The following SCN10A variants were observed in gnomAD, a reference collection of about 807,000 sequenced individuals.
The protein encoded by SCN10A is sodium voltage-gated channel alpha subunit 10.
In SCN10A, 162 loss-of-function variants were observed where a neutral mutation model predicts 170.7. The ratio of observed to expected loss-of-function variants is 0.95; its 90% CI spans 0.84 to 1.08. The LOEUF (loss-of-function observed/expected upper bound fraction) is 1.08, where lower values mean the gene tolerates loss of function less well. SCN10A is among the 50% of genes least tolerant of loss of function. SCN10A has a pLI of 0.00. For synonymous variants in SCN10A, 985 were observed against 904.6 expected (o/e 1.09, Z -1.59); for missense variants, 2,527 against 2,436.9 (o/e 1.04, Z -0.78).
chr3:38,758,372 A>G (rs2063832682), intron 8 of SCN10A, among the ~76,000 whole-genome samples: 1 of 152,206 alleles, frequency 6.6e-6, no homozygotes, highest in African/African-American at 2.4e-5. Flanking sequence ...GAAATCCACC[A>G]TAGCCACTGC....
At chr3:38,713,936 G>A in intron 22 of SCN10A, 22 bp downstream of exon 22, 5 of 1,612,198 alleles carry the variant, frequency 3.1e-6, no homozygotes, top group Non-Finnish European at 3.4e-6. Flanking sequence ...CCAGATGAGA[G>A]AAGTTTTGAG....
At chr3:38,769,915 T>C (rs1185208362) in intron 5 of SCN10A, among the ~76,000 whole-genome samples, 3 of 152,192 alleles carry the variant, frequency 2.0e-5, no homozygotes, top group African/African-American at 7.2e-5. Context: ...GTGATTGATC[T>C]TGAAGTCTCC....
At chr3:38,732,938 G>A (rs1341641185) in intron 15 of SCN10A, among the ~76,000 whole-genome samples, 1 of 152,172 alleles carries the variant, frequency 6.6e-6, no homozygotes, top group Non-Finnish European at 1.5e-5. Context: ...ATGGGATTAA[G>A]TCTTCAAATG....
At position 38,718,676 on chromosome 3, in the gene SCN10A, A is replaced by G; in HGVS notation, c.3658T>C (p.Trp1220Arg). The G allele has an allele frequency of 1.2e-6, 2 of 1,614,272 alleles. No individual in the cohort carries two copies. Among genetic ancestry groups the G allele is most frequent in the Non-Finnish European group, 1.7e-6 (2 of 1,180,042 alleles). ...ACATTCACAATGAGGAAGTCCAGCCAGCACCAGGCATTGGTGAAGTACTTT... is the reference window on the plus strand; with the variant it reads ...ACATTCACAATGAGGAAGTCCAGCCGGCACCAGGCATTGGTGAAGTACTTT... ...FKKYFTNAWC[W>R]LDFLIVNISL... Residue 1220 changes from tryptophan to arginine, a missense_variant, in exon 21 of 28, where the codon TGG becomes CGG. Transcript: ENST00000449082.
intron 4 of SCN10A, among the ~76,000 whole-genome samples, chr3:38,777,467 T>A (rs1451155743): frequency 6.6e-6 from 1 of 152,068 alleles, no homozygotes; most frequent in East Asian, 1.9e-4. Flanking sequence ...AATTAAGAGA[T>A]CTGCCATACT....
chr3:38,716,121 G>T (rs1014719692), intron 21 of SCN10A, among the ~76,000 whole-genome samples: 2 of 152,086 alleles, frequency 1.3e-5, no homozygotes, highest in African/African-American at 4.8e-5. Flanking sequence ...AGTAATTATA[G>T]CTGCTCTTGC....
chr3:38,721,489 G>T (rs1327773674), intron 20 of SCN10A, among the ~76,000 whole-genome samples: 1 of 152,198 alleles, frequency 6.6e-6, no homozygotes, highest in Non-Finnish European at 1.5e-5. Flanking sequence ...AGTTGAGATT[G>T]TGTAAGGAGC....
chr3:38,734,599 A>G (rs2063541484), intron 15 of SCN10A, among the ~76,000 whole-genome samples: 1 of 152,240 alleles, frequency 6.6e-6, no homozygotes, highest in Admixed American at 6.5e-5. Context: ...ATACATGATT[A>G]TCTCAATACA....
chr3:38,808,288 TG>T (rs1244024464), intron 1 of SCN10A, among the ~76,000 whole-genome samples: 3 of 152,172 alleles, frequency 2.0e-5, no homozygotes, highest in Non-Finnish European at 4.4e-5. Context: ...TTCTTTCCCC[TG>T]GGTGACTTCT....
chr3:38,803,068 A>G (rs1290953879), intron 1 of SCN10A, among the ~76,000 whole-genome samples: 1 of 152,250 alleles, frequency 6.6e-6, no homozygotes, highest in Non-Finnish European at 1.5e-5. Context: ...ATCACTGGCC[A>G]TCAGAGAAAT....
intron 26 of SCN10A, among the ~76,000 whole-genome samples, chr3:38,704,769 G>T (rs1034534755): frequency 2.6e-5 from 4 of 152,208 alleles, no homozygotes; most frequent in African/African-American, 9.6e-5. Flanking sequence ...GTGGTCCCAG[G>T]TAAGCTCTGT....
chr3:38,812,216 G>T (rs938943769), intron 1 of SCN10A, among the ~76,000 whole-genome samples: 1 of 152,170 alleles, frequency 6.6e-6, no homozygotes, highest in Non-Finnish European at 1.5e-5. Flanking sequence ...TATATTTTGG[G>T]CATAGTGCTA....
chr3:38,736,972 T>TTTTTTTTTTTTTTG lies in SCN10A; in HGVS notation c.2280+2542_2280+2543insCAAAAAAAAAAAAA, dbSNP rs2063569927. Reference sequence around the variant, plus strand: ...TGTAGCAGAAATGTTCGTTTTTTTTTTTTTTTTTTTTTTTTTGAGACGGAG... The same window carrying TTTTTTTTTTTTTTG: ...TGTAGCAGAAATGTTCGTTTTTTTTTTTTTTTTTTTTTTGTTTTTTTTTTTTTTTTGAGACGGAG... On this transcript the variant is annotated intron_variant, in intron 15 of 27. Transcript: ENST00000449082. Among the ~76,000 whole-genome samples, 2 of 96,134 alleles carry TTTTTTTTTTTTTTG rather than the reference T, an allele frequency of 2.1e-5. 1 individual carries two copies. The highest frequency in any genetic ancestry group is 4.3e-5 in the Non-Finnish European group (2 of 46,222). The allele number at this position is 96,134 out of a possible 152,430, so 63.1% of individuals were successfully genotyped here.
At chr3:38,700,896 T>C (rs754016875) in intron 27 of SCN10A, among the ~76,000 whole-genome samples, 6 of 152,208 alleles carry the variant, frequency 3.9e-5, no homozygotes, top group Admixed American at 6.5e-5. Context: ...TTGGCCTTTA[T>C]AGGGTCAAAC....
intron 4 of SCN10A, among the ~76,000 whole-genome samples, chr3:38,772,385 A>G (rs2064013325): frequency 6.6e-6 from 1 of 151,800 alleles, no homozygotes; most frequent in Admixed American, 6.6e-5. Flanking sequence ...GCAGAAGAAG[A>G]GTTAGAGAAA....
intron 1 of SCN10A, among the ~76,000 whole-genome samples, chr3:38,806,158 A>G (rs1445369170): frequency 6.6e-6 from 1 of 152,100 alleles, no homozygotes; most frequent in African/African-American, 2.4e-5. Flanking sequence ...GCTAAAAGGG[A>G]AGAAGAGCGT....
Position 38,771,365 on chromosome 3 carries a change from C to T in SCN10A, c.513G>A (p.Lys171=). 6.2e-7 allele frequency: 1 copy of T among 1,614,068 alleles called. No homozygotes were observed. The highest frequency in any genetic ancestry group is 8.5e-7 in the Non-Finnish European group (1 of 1,179,968). ...TVIYTFEALI[K]ILARGFCLNE... is the part of the protein sequence containing the mutation. ...TTAGACAAAATCCTCTTGCCAGTAT[C>T]TTTATCAAGGCTTCAAAGGTGTAAA... is the stretch of plus-strand genomic sequence containing the variant. The change falls in exon 5 of 28, where the codon AAG becomes AAA. Residue 171 remains lysine, a synonymous_variant. Transcript: ENST00000449082.
intron 4 of SCN10A, among the ~76,000 whole-genome samples, chr3:38,774,825 C>A (rs2126044503): frequency 6.6e-6 from 1 of 152,288 alleles, no homozygotes; most frequent in East Asian, 1.9e-4. Flanking sequence ...GCCCAGTAGG[C>A]CAAAGAGATG....
At position 38,698,067 on chromosome 3, in the gene SCN10A, A is replaced by G. The variant is rs768502292; in HGVS notation, c.5153T>C (p.Ile1718Thr). The change falls in exon 28 of 28, where the codon ATT becomes ACT. Residue 1718 changes from isoleucine (I) to threonine (T), a missense_variant. Transcript: ENST00000449082. The stretch of plus-strand genomic sequence containing the variant: ...ATTGAAGTTCTCCAGAATCACTGCA[A>G]TGTACATGTTGACCATGATGAGGAA... ...ISFLIMVNMY[I>T]AVILENFNVA... 66 of 1,614,132 alleles carry G rather than the reference A, an allele frequency of 4.1e-5. No homozygotes were observed. Among genetic ancestry groups the G allele is most frequent in the Non-Finnish European group, 5.3e-5 (63 of 1,180,014 alleles).
Sources: gnomAD v4.1 joint callset for allele counts (sites outside exome capture counted in the v4.1 genomes callset) on GRCh38, gnomAD v4.1.1 for gene constraint, MANE v1.5 for transcripts, NCBI Gene and HGNC (gene_info 2026-07-23, HGNC 2026-07-21) for gene names.